Variants in EPHA6 observed in about 807,000 individuals in gnomAD.
EPHA6 encodes ephrin type-A receptor 6.
A neutral mutation model predicts 112.0 loss-of-function variants in EPHA6; 50 were observed. That is an observed-to-expected ratio of 0.45 (90% CI 0.36 to 0.56). The LOEUF (loss-of-function observed/expected upper bound fraction) is 0.56, where lower values mean the gene tolerates loss of function less well. Ranked by LOEUF, EPHA6 falls within the 20% of genes least tolerant of loss-of-function variation. The pLI is 0.00. For synonymous variants in EPHA6, 529 were observed against 490.7 expected (o/e 1.08, Z -1.03); for missense variants, 1,280 against 1,417.4 (o/e 0.90, Z 1.56).
intron 5 of EPHA6, among the ~76,000 whole-genome samples, chr3:97,334,478 CTTT>C (rs1354125066): frequency 4.7e-5 from 6 of 128,016 alleles, no homozygotes; most frequent in Admixed American, 7.8e-5. Context: ...TTTTTTTCTT[CTTT>C]TTTTTTTTTT....
chr3:96,846,614 A>G (rs1422496901), intron 1 of EPHA6, among the ~76,000 whole-genome samples: 2 of 152,120 alleles, frequency 1.3e-5, no homozygotes, highest in Non-Finnish European at 2.9e-5. Context: ...TAGATGCGCA[A>G]TAGCTTTTTT....
At chr3:97,572,455 C>T (rs1251251078) in intron 11 of EPHA6, among the ~76,000 whole-genome samples, 2 of 151,886 alleles carry the variant, frequency 1.3e-5, no homozygotes, top group African/African-American at 4.8e-5. Flanking sequence ...TGGCAAAACA[C>T]TGATCTCTTA....
At chr3:96,901,590 G>A (rs1243635311) in intron 2 of EPHA6, among the ~76,000 whole-genome samples, 3 of 151,920 alleles carry the variant, frequency 2.0e-5, no homozygotes, top group Non-Finnish European at 4.4e-5. Context: ...ATTACATAAT[G>A]TATAACATTC....
At chr3:97,554,744 G>C (rs2093078674) in intron 11 of EPHA6, among the ~76,000 whole-genome samples, 1 of 151,864 alleles carries the variant, frequency 6.6e-6, no homozygotes, top group Admixed American at 6.6e-5. Context: ...GTCTGTACTT[G>C]AGAACAGACA....
rs1466307511 is a variant in EPHA6 at position 97,448,617 on chromosome 3, T to C, written c.1781T>C (p.Val594Ala). ...TCCACAAGGTCCAAAGCCCCCAGTG[T>C]CATCATCACAGGTCTTAAGCCAGCC... ...YSSTRSKAPSVIITGLKPATK... is the reference protein window; with the variant it reads ...YSSTRSKAPSAIITGLKPATK... The change falls in exon 7 of 18, where the codon GTC becomes GCC. Residue 594 changes from valine to alanine, a missense_variant. Around this residue, in one of 4 missense-constraint regions of EPHA6, gnomAD observed 878 missense variants for 999.7 expected, o/e 0.88. Coordinates refer to ENST00000389672, the MANE Select transcript of EPHA6 (RefSeq NM_001080448.3). The C allele has an allele frequency of 6.2e-7, 1 of 1,613,522 alleles. No individual in the cohort carries two copies.
At chr3:97,520,406 A>G (rs1215018914) in intron 10 of EPHA6, among the ~76,000 whole-genome samples, 1 of 152,158 alleles carries the variant, frequency 6.6e-6, no homozygotes, top group Non-Finnish European at 1.5e-5. Flanking sequence ...TGTAATAGTA[A>G]TTAATTCCCT....
At chr3:97,174,994 A>C (rs1846806) in intron 3 of EPHA6, among the ~76,000 whole-genome samples, 36,460 of 151,694 alleles carry the variant, frequency 0.24, 11,397 homozygotes, top group African/African-American at 0.71. Context: ...TGGAGAGTTT[A>C]CCCCAAAGTT....
chr3:97,615,990 G>A (rs529371857), intron 13 of EPHA6, among the ~76,000 whole-genome samples: 1 of 152,306 alleles, frequency 6.6e-6, no homozygotes, highest in East Asian at 1.9e-4. Context: ...ACTGCTTCTT[G>A]AAGAGTGTAT....
chr3:97,112,024 A>T (rs1039968715), intron 3 of EPHA6, among the ~76,000 whole-genome samples: 3 of 152,280 alleles, frequency 2.0e-5, no homozygotes, highest in South Asian at 4.1e-4. Flanking sequence ...CATCTCCAAG[A>T]TAGCATGAAT....
chr3:97,229,025 AG>A (rs1426081184), intron 4 of EPHA6, among the ~76,000 whole-genome samples: 5 of 152,092 alleles, frequency 3.3e-5, no homozygotes, highest in Admixed American at 6.5e-5. Context: ...TCTTCTTTTG[AG>A]AATTGTCTAT....
intron 3 of EPHA6, among the ~76,000 whole-genome samples, chr3:97,099,416 C>G (rs1172742085): frequency 6.6e-6 from 1 of 151,786 alleles, no homozygotes; most frequent in Non-Finnish European, 1.5e-5. Flanking sequence ...TTGATATTCA[C>G]TAATATTTTC....
intron 2 of EPHA6, among the ~76,000 whole-genome samples, chr3:96,973,774 G>A (rs1455127469): frequency 6.8e-6 from 1 of 146,520 alleles, no homozygotes; most frequent in Non-Finnish European, 1.5e-5. Flanking sequence ...GCAGTGAGCC[G>A]AGATCATGCC....
chr3:96,876,725 T>C (rs749931958), intron 2 of EPHA6, among the ~76,000 whole-genome samples: 6 of 152,098 alleles, frequency 3.9e-5, no homozygotes, highest in African/African-American at 1.4e-4. Context: ...CTCTTGTCTC[T>C]GGATATAGGA....
At chr3:96,898,768 G>A (rs2038425071) in intron 2 of EPHA6, among the ~76,000 whole-genome samples, 1 of 152,056 alleles carries the variant, frequency 6.6e-6, no homozygotes, top group Admixed American at 6.5e-5. Context: ...GGTGGCTCAC[G>A]GCTGTAATCC....
At chr3:97,237,123 G>A (rs1202984749) in intron 4 of EPHA6, among the ~76,000 whole-genome samples, 3 of 151,498 alleles carry the variant, frequency 2.0e-5, no homozygotes, top group Admixed American at 6.6e-5. Context: ...CAGCATTCAC[G>A]ATTTTGCAGA....
intron 2 of EPHA6, among the ~76,000 whole-genome samples, chr3:96,939,479 A>AT (rs2040808047): frequency 2.0e-5 from 3 of 151,656 alleles, no homozygotes; most frequent in South Asian, 4.2e-4. Context: ...TATTGCATCT[A>AT]TTGATTCTTC....
At chr3:97,498,351 T>C in intron 10 of EPHA6, among the ~76,000 whole-genome samples, 1 of 118,934 alleles carries the variant, frequency 8.4e-6, no homozygotes, top group Middle Eastern at 5.2e-3. Flanking sequence ...AAAAAAAAAA[T>C]GGAGTCTGTC....
At chr3:96,939,939 C>T (rs2040840296) in intron 2 of EPHA6, among the ~76,000 whole-genome samples, 1 of 152,042 alleles carries the variant, frequency 6.6e-6, no homozygotes, top group Non-Finnish European at 1.5e-5. Context: ...ATCCTGAGTT[C>T]TAGTTTGATT....
intron 3 of EPHA6, among the ~76,000 whole-genome samples, chr3:97,221,833 A>C (rs1330162885): frequency 2.0e-5 from 3 of 152,130 alleles, no homozygotes; most frequent in Non-Finnish European, 2.9e-5. Flanking sequence ...GGAGTTCAAG[A>C]CCAGCCTGCC....
Sources: allele counts gnomAD v4.1 joint callset (sites outside exome capture counted in the v4.1 genomes callset), GRCh38; gene constraint gnomAD v4.1.1; regional missense constraint gnomAD v4.1.1; transcripts MANE v1.5; gene names NCBI Gene and HGNC (gene_info 2026-07-23, HGNC 2026-07-21).